The following ATP8A2 variants were observed in gnomAD, a reference collection of about 807,000 sequenced individuals.
The protein encoded by ATP8A2 is phospholipid-transporting ATPase IB.
ATP8A2 carries 100 observed loss-of-function variants against 165.6 expected under a neutral mutation model. That is an observed-to-expected ratio of 0.60 (90% confidence interval 0.51 to 0.71). The LOEUF is 0.71. Among genes scored for constraint, ATP8A2 ranks in the 30% least tolerant of loss-of-function variants. The probability of loss-of-function intolerance (pLI) is 0.00; values close to 1 mark genes in which losing one functional copy is unlikely to be tolerated. For missense variants in ATP8A2, 1,227 were observed against 1,479.5 expected (o/e 0.83, Z 2.80); for synonymous variants, 543 against 548.8 (o/e 0.99, Z 0.15).
At chr13:25,410,684 A>G (rs1288952084) in intron 1 of ATP8A2, among the ~76,000 whole-genome samples, 2 of 152,220 alleles carry the variant, frequency 1.3e-5, no homozygotes, top group African/African-American at 2.4e-5. Flanking sequence ...TTCCTCATCC[A>G]TAAATGGGAT....
chr13:25,511,738 A>G (rs913920392), intron 2 of ATP8A2, among the ~76,000 whole-genome samples: 11 of 152,220 alleles, frequency 7.2e-5, no homozygotes, highest in Admixed American at 5.2e-4. Context: ...AATGAAAAAT[A>G]TTTAGTATTC....
Position 25,533,286 on chromosome 13 carries a change from T to C in ATP8A2, c.480T>C (p.Gly160=), listed in dbSNP as rs772491015. 2 of 1,513,850 alleles carry C rather than the reference T, an allele frequency of 1.3e-6. No homozygotes were observed. Among genetic ancestry groups the C allele is most frequent in the Admixed American group, 3.4e-5 (2 of 58,996 alleles). 93.8% of individuals were successfully genotyped at this position (1,513,850 alleles called of 1,614,324 possible). ...TCTCTTTTTCAGTGTTAAGAAATGG[T>C]ATGTGGCATACCATTATGTGGAAAG... ...NKKKTIVLRN[G]MWHTIMWKEV... The change falls in exon 6 of 37, where the codon GGT becomes GGC. Residue 160 remains glycine (G), a synonymous_variant. Coordinates refer to ENST00000381655, the MANE Select transcript of ATP8A2 (RefSeq NM_016529.6).
At chr13:25,962,902 CT>C (rs1260663727) in intron 34 of ATP8A2, among the ~76,000 whole-genome samples, 4 of 151,238 alleles carry the variant, frequency 2.6e-5, no homozygotes, top group Admixed American at 1.3e-4. Flanking sequence ...CATGGATTTT[CT>C]TTTTTTTTCC....
intron 1 of ATP8A2, among the ~76,000 whole-genome samples, chr13:25,401,450 T>C (rs956683080): frequency 6.6e-6 from 1 of 152,230 alleles, no homozygotes; most frequent in African/African-American, 2.4e-5. Flanking sequence ...AAATGTTTGT[T>C]CTCGGGCTGT....
chr13:25,703,535 C>T (rs1593223184), intron 25 of ATP8A2, among the ~76,000 whole-genome samples: 1 of 152,256 alleles, frequency 6.6e-6, no homozygotes, highest in South Asian at 2.1e-4. Context: ...TTCATAGCAG[C>T]ACGGCCCACA....
At chr13:25,925,051 A>C (rs1007519826) in intron 33 of ATP8A2, among the ~76,000 whole-genome samples, 6 of 152,158 alleles carry the variant, frequency 3.9e-5, no homozygotes, top group African/African-American at 1.4e-4. Context: ...GACTAATGCT[A>C]GGTGTTCTGG....
At chr13:25,521,838 T>C (rs1317578711) in intron 2 of ATP8A2, among the ~76,000 whole-genome samples, 1 of 152,168 alleles carries the variant, frequency 6.6e-6, no homozygotes, top group Admixed American at 6.5e-5. Context: ...TATGTGTCTG[T>C]TTTTATGCCA....
intron 35 of ATP8A2, among the ~76,000 whole-genome samples, chr13:25,997,048 A>C (rs1475026130): frequency 1.3e-5 from 2 of 152,130 alleles, no homozygotes; most frequent in Admixed American, 1.3e-4. Context: ...TGAACTCCTG[A>C]CCTCAAGTGA....
chr13:25,576,756 G>A (rs535834594), intron 19 of ATP8A2, among the ~76,000 whole-genome samples: 17 of 152,300 alleles, frequency 1.1e-4, no homozygotes, highest in African/African-American at 3.9e-4. Flanking sequence ...AATATTTTTA[G>A]AGAGTAGAGT....
chr13:25,440,325 T>C (rs1318472136), intron 1 of ATP8A2, among the ~76,000 whole-genome samples: 1 of 152,172 alleles, frequency 6.6e-6, no homozygotes, highest in African/African-American at 2.4e-5. Context: ...TCTTTCTTCC[T>C]TCCCCTTTTT....
At chr13:25,749,046 A>G (rs1023111103) in intron 25 of ATP8A2, among the ~76,000 whole-genome samples, 2 of 152,188 alleles carry the variant, frequency 1.3e-5, no homozygotes, top group African/African-American at 4.8e-5. Context: ...TTATAATGCC[A>G]ATTGAGATAG....
chr13:25,821,711 T>G (rs1221918322), intron 27 of ATP8A2, among the ~76,000 whole-genome samples: 1 of 152,190 alleles, frequency 6.6e-6, no homozygotes, highest in Non-Finnish European at 1.5e-5. Context: ...TTATTGACAT[T>G]TTGGACTATA....
At chr13:25,533,785 T>A (rs2038191805) in intron 6 of ATP8A2, among the ~76,000 whole-genome samples, 1 of 152,196 alleles carries the variant, frequency 6.6e-6, no homozygotes, top group South Asian at 2.1e-4. Context: ...TCCACGTCCC[T>A]GGAAGTATGA....
chr13:25,919,367 C>G (rs1481598044), intron 33 of ATP8A2, among the ~76,000 whole-genome samples: 1 of 151,884 alleles, frequency 6.6e-6, no homozygotes, highest in East Asian at 1.9e-4. Flanking sequence ...TGAGCGTACC[C>G]TCTCCTTTAT....
At chr13:25,899,340 A>T (rs964025853) in intron 33 of ATP8A2, among the ~76,000 whole-genome samples, 3 of 152,162 alleles carry the variant, frequency 2.0e-5, no homozygotes, top group Non-Finnish European at 4.4e-5. Context: ...TTGTGGTGTG[A>T]CATGCCACAA....
rs2038903162 is a variant in ATP8A2, at chr13:25,554,026, G to C, written c.1185+106G>C. ...GAAGAACTATATTCATTTACCATTA[G>C]GTCCAGGGGCTTAAACTGGCCATAC... On this transcript the variant is annotated intron_variant, in intron 12 of 36. Transcript: ENST00000381655. The C allele has an allele frequency of 2.4e-6, 3 of 1,259,086 alleles. No homozygotes were observed. The East Asian group carries it at 7.1e-5, about 30-fold the overall frequency. The allele number at this position is 1,259,086 out of a possible 1,614,324, so 78.0% of individuals were successfully genotyped here.
At chr13:25,479,972 T>A (rs914688837) in intron 2 of ATP8A2, among the ~76,000 whole-genome samples, 1 of 152,164 alleles carries the variant, frequency 6.6e-6, no homozygotes, top group Non-Finnish European at 1.5e-5. Flanking sequence ...AAAACCACCA[T>A]TGTCATCATG....
intron 35 of ATP8A2, among the ~76,000 whole-genome samples, chr13:26,001,548 GT>G (rs1020800773): frequency 1.3e-5 from 2 of 152,032 alleles, no homozygotes; most frequent in Admixed American, 6.6e-5. Context: ...TGGTTTTGGG[GT>G]TTTTTTAATA....
At chr13:25,381,302 A>G (rs1396009677) in intron 1 of ATP8A2, among the ~76,000 whole-genome samples, 1 of 152,208 alleles carries the variant, frequency 6.6e-6, no homozygotes, top group Admixed American at 6.5e-5. Context: ...TTTTAAAGCA[A>G]TACATTTAAA....
Sources: gnomAD v4.1 joint callset for allele counts (sites outside exome capture counted in the v4.1 genomes callset) on GRCh38, gnomAD v4.1.1 for gene constraint, MANE v1.5 for transcripts, NCBI Gene and HGNC (gene_info 2026-07-23, HGNC 2026-07-21) for gene names.